TBC1D4: variants seen among roughly 807,000 people sequenced by gnomAD.
TBC1D4 encodes the protein TBC1 domain family member 4.
Under a neutral mutation model 142.5 loss-of-function variants are expected in TBC1D4, and 121 were observed. That is an observed-to-expected ratio of 0.85 (90% confidence interval 0.73 to 0.99). The LOEUF (loss-of-function observed/expected upper bound fraction) is 0.99. TBC1D4 is among the 50% of genes least tolerant of loss of function. TBC1D4 has a pLI of 0.00. For synonymous variants in TBC1D4, 630 were observed against 628.2 expected (o/e 1.00, Z -0.04); for missense variants, 1,475 against 1,606.6 (o/e 0.92, Z 1.40).
chr13:75,358,308 A>G (rs1882222686), intron 3 of TBC1D4, among the ~76,000 whole-genome samples: 2 of 152,238 alleles, frequency 1.3e-5, no homozygotes. Flanking sequence ...ACGATCTCCC[A>G]GGGACAACCA....
chr13:75,292,303 A>C, intron 18 of TBC1D4, 32 bp from the exon 19 acceptor site: 1 of 1,568,510 alleles, frequency 6.4e-7, no homozygotes, highest in Non-Finnish European at 8.7e-7. Flanking sequence ...TCATGATCAA[A>C]ACTATGCATC....
At chr13:75,414,819 A>G (rs1165307377) in intron 1 of TBC1D4, among the ~76,000 whole-genome samples, 4 of 152,168 alleles carry the variant, frequency 2.6e-5, no homozygotes, top group Non-Finnish European at 4.4e-5. Context: ...AATGGGATGG[A>G]AAGAAAGCAA....
chr13:75,385,136 C>T (rs1046328206), intron 1 of TBC1D4, among the ~76,000 whole-genome samples: 2 of 152,164 alleles, frequency 1.3e-5, no homozygotes, highest in African/African-American at 4.8e-5. Context: ...CTCCATGGCC[C>T]TTCCCAAAGG....
At chr13:75,449,937 T>C (rs1422154833) in intron 1 of TBC1D4, among the ~76,000 whole-genome samples, 2 of 152,038 alleles carry the variant, frequency 1.3e-5, no homozygotes, top group Non-Finnish European at 2.9e-5. Flanking sequence ...CATTTAGGAG[T>C]AGACTGCCAG....
chr13:75,417,452 C>A (rs930231019), intron 1 of TBC1D4, among the ~76,000 whole-genome samples: 4 of 152,086 alleles, frequency 2.6e-5, no homozygotes, highest in Admixed American at 2.6e-4. Flanking sequence ...CATCTTATCA[C>A]CTGCTGAAAT....
In TBC1D4 at chr13:75,341,553, C is replaced by T; in HGVS notation, c.1443G>A (p.Gln481=). 3.7e-6 allele frequency: 6 copies of T among 1,614,038 alleles called. No homozygotes were observed. The highest frequency in any genetic ancestry group is 5.1e-6 in the Non-Finnish European group (6 of 1,180,014). The change falls in exon 6 of 21, where the codon CAG becomes CAA. Residue 481 remains glutamine (Q), a synonymous_variant. Coordinates refer to ENST00000377636, the MANE Select transcript of TBC1D4 (RefSeq NM_014832.5). ...TATCTGTCAGTGATGAGAGATGCCTCTGTATCACCAGCTTGGCTCTTGGTG... is the reference window on the plus strand; with the variant it reads ...TATCTGTCAGTGATGAGAGATGCCTTTGTATCACCAGCTTGGCTCTTGGTG... ...LYPPRAKLVI[Q]RHLSSLTDNE...
intron 4 of TBC1D4, among the ~76,000 whole-genome samples, chr13:75,355,443 T>C (rs974368353): frequency 6.6e-5 from 10 of 152,216 alleles, no homozygotes; most frequent in Admixed American, 6.5e-4. Flanking sequence ...GCCTTACATA[T>C]GAACTCCAAT....
Position 75,440,557 on chromosome 13 carries a change from TA to T in TBC1D4, c.498+40712del, listed in dbSNP as rs199689839. On this transcript the variant is annotated intron_variant, in intron 1 of 20. Transcript: ENST00000377636. ...CACCATATTTATTTTTACTATTTTT[TA>T]AAAAAAAAATTATAGAGATAGGGTG... Among the ~76,000 whole-genome samples the T allele has an allele frequency of 1.2e-3, 182 of 150,126 alleles. 1 individual carries two copies. Among genetic ancestry groups the T allele is most frequent in the Admixed American group, 1.7e-3 (25 of 15,004 alleles).
At chr13:75,407,546 A>C (rs559439297) in intron 1 of TBC1D4, among the ~76,000 whole-genome samples, 25 of 152,354 alleles carry the variant, frequency 1.6e-4, no homozygotes, top group Non-Finnish European at 2.8e-4. Flanking sequence ...GAATCCAAAA[A>C]TAAAAGTGGC....
chr13:75,323,971 G>A (rs796797671), intron 11 of TBC1D4, among the ~76,000 whole-genome samples: 10 of 152,160 alleles, frequency 6.6e-5, no homozygotes, highest in African/African-American at 2.4e-4. Context: ...AGACTCTGGA[G>A]TTTGAGAAAA....
Position 75,341,126 on chromosome 13 carries a change from G to A in TBC1D4, c.1610C>T (p.Ser537Phe). ...KTHVHIGEGP[S>F]TISNSTIPEN... ...GTGAAGTAGGAAATATCTTCTCACA[G>A]AAGGGCCTTCCCCGATGTGCACGTG... Residue 537 changes from serine (S) to phenylalanine (F), a missense_variant and splice_region_variant, in exon 7 of 21, where the codon TCT becomes TTT. Ser to Phe is a radical substitution (Grantham distance 155, BLOSUM62 -2). Coordinates refer to ENST00000377636, the MANE Select transcript of TBC1D4 (RefSeq NM_014832.5). 6.2e-7 allele frequency: 1 copy of A among 1,612,584 alleles called. No individual in the cohort carries two copies. The highest frequency in any genetic ancestry group is 8.5e-7 in the Non-Finnish European group (1 of 1,179,132).
At position 75,286,468 on chromosome 13, in the gene TBC1D4, T is replaced by G; in HGVS notation, c.*324A>C. On this transcript the variant is annotated 3_prime_UTR_variant, in exon 21 of 21. Transcript: ENST00000377636. Reference sequence around the variant, plus strand: ...AGGGAAATTTCAGTTTACCTTTCCTTTGGTGTGGATTTCATGAAGTTCTGA... The same window carrying G: ...AGGGAAATTTCAGTTTACCTTTCCTGTGGTGTGGATTTCATGAAGTTCTGA... 1 of 213,484 alleles carries G rather than the reference T, an allele frequency of 4.7e-6. No individual in the cohort carries two copies. The highest frequency in any genetic ancestry group is 9.4e-6 in the Non-Finnish European group (1 of 106,010). The allele number at this position is 213,484 out of a possible 1,614,324, so 13.2% of individuals were successfully genotyped here.
intron 1 of TBC1D4, among the ~76,000 whole-genome samples, chr13:75,365,257 C>T (rs938009508): frequency 8.6e-5 from 13 of 151,820 alleles, no homozygotes; most frequent in Admixed American, 1.3e-4. Context: ...ACTACCTTTT[C>T]TCAGGTTATG....
intron 1 of TBC1D4, among the ~76,000 whole-genome samples, chr13:75,435,250 TC>T (rs1288812662): frequency 6.7e-6 from 1 of 148,902 alleles, no homozygotes; most frequent in Non-Finnish European, 1.5e-5. Flanking sequence ...CGAAAAAATA[TC>T]CCAGGAATCG....
intron 1 of TBC1D4, among the ~76,000 whole-genome samples, chr13:75,445,301 TACTCA>T (rs1887228030): frequency 6.6e-6 from 1 of 152,192 alleles, no homozygotes; most frequent in Admixed American, 6.5e-5. Context: ...TTCTCAAAAA[TACTCA>T]AGTGGTTATT....
rs1210699043 is a variant in TBC1D4, at chr13:75,319,957, T to C, written c.2222+57A>G. The stretch of plus-strand genomic sequence containing the variant: ...CTGCTTTTTAAACTAAGGATGATGT[T>C]CAGTTGGAAGAATCTGTGAATTTTT... On this transcript the variant is annotated intron_variant, in intron 12 of 20. Transcript: ENST00000377636. The C allele has an allele frequency of 1.9e-6, 3 of 1,581,384 alleles. No homozygotes were observed. In the African/African-American group the frequency reaches 4.1e-5, roughly 21 times the overall value.
intron 1 of TBC1D4, among the ~76,000 whole-genome samples, chr13:75,372,518 C>T (rs950889254): frequency 2.6e-5 from 4 of 152,224 alleles, no homozygotes; most frequent in Non-Finnish European, 5.9e-5. Context: ...GATCTGCCTG[C>T]CTCAGCCTCC....
chr13:75,393,746 A>C (rs1210154738), intron 1 of TBC1D4, among the ~76,000 whole-genome samples: 1 of 152,090 alleles, frequency 6.6e-6, no homozygotes, highest in East Asian at 1.9e-4. Context: ...AGCCTGACCA[A>C]CCCGGAGAAA....
intron 10 of TBC1D4, 127 bp from the exon 11 acceptor site, chr13:75,324,528 G>T: frequency 9.3e-7 from 1 of 1,075,132 alleles, no homozygotes; most frequent in Non-Finnish European, 1.3e-6. Context: ...CTCAGGGCTG[G>T]ATCTTACATG....
Sources: gnomAD v4.1 joint callset for allele counts (sites outside exome capture counted in the v4.1 genomes callset) on GRCh38, gnomAD v4.1.1 for gene constraint, MANE v1.5 for transcripts, NCBI Gene and HGNC (gene_info 2026-07-23, HGNC 2026-07-21) for gene names.